The following ADAM2 variants were observed in gnomAD, a reference collection of about 807,000 sequenced individuals.
The protein encoded by ADAM2 is ADAM metallopeptidase domain 2.
ADAM2 carries 101 observed loss-of-function variants against 99.3 expected under a neutral mutation model. The ratio of observed to expected loss-of-function variants is 1.02; its 90% CI spans 0.87 to 1.20. The LOEUF (loss-of-function observed/expected upper bound fraction) is 1.20, where lower values mean the gene tolerates loss of function less well. Among genes scored for constraint, ADAM2 ranks in the 50% most tolerant of loss-of-function variants. The pLI, the probability that ADAM2 is intolerant of heterozygous loss-of-function variation, is 0.00. For missense variants in ADAM2, 948 were observed against 878.7 expected (o/e 1.08, Z -1.00); for synonymous variants, 323 against 287.6 (o/e 1.12, Z -1.25).
intron 7 of ADAM2, among the ~76,000 whole-genome samples, chr8:39,803,092 G>C (rs1804284260): frequency 6.6e-6 from 1 of 152,162 alleles, no homozygotes; most frequent in Non-Finnish European, 1.5e-5. Context: ...CAACAGAAAA[G>C]ATCGACCATG....
intron 7 of ADAM2, among the ~76,000 whole-genome samples, chr8:39,798,820 T>G (rs1182498231): frequency 6.6e-6 from 1 of 152,100 alleles, no homozygotes; most frequent in Non-Finnish European, 1.5e-5. Context: ...CTCCAGTTTT[T>G]TTTGCATAGA....
intron 4 of ADAM2, among the ~76,000 whole-genome samples, chr8:39,822,746 G>GT (rs1045646633): frequency 4.4e-4 from 64 of 145,090 alleles, no homozygotes; most frequent in Middle Eastern, 3.6e-3. Flanking sequence ...TTTGAGGTCT[G>GT]TTTTTTTTTT....
intron 3 of ADAM2, among the ~76,000 whole-genome samples, chr8:39,829,517 T>C (rs942929930): frequency 2.0e-5 from 3 of 151,930 alleles, no homozygotes; most frequent in Non-Finnish European, 4.4e-5. Context: ...AAGTATATAA[T>C]TATAAGCATT....
chr8:39,797,865 T>C (rs1191952492), intron 7 of ADAM2, among the ~76,000 whole-genome samples: 2 of 152,244 alleles, frequency 1.3e-5, no homozygotes, highest in Non-Finnish European at 2.9e-5. Context: ...TATAAAGGAA[T>C]GCTTGTGATT....
chr8:39,800,572 G>A (rs1193228083), intron 7 of ADAM2, among the ~76,000 whole-genome samples: 1 of 152,104 alleles, frequency 6.6e-6, no homozygotes, highest in East Asian at 1.9e-4. Context: ...ATGTTGGCCT[G>A]TCTTCCTAGG....
intron 4 of ADAM2, among the ~76,000 whole-genome samples, chr8:39,822,096 A>G (rs1324237949): frequency 6.6e-6 from 1 of 152,176 alleles, no homozygotes; most frequent in Non-Finnish European, 1.5e-5. Flanking sequence ...CTTAGTTTGT[A>G]CCACTTTCCA....
In ADAM2 at chr8:39,833,942, AC is replaced by A. The variant is rs1168814304; in HGVS notation, c.188+1del. 9 of 1,481,860 alleles carry A rather than the reference AC, an allele frequency of 6.1e-6. No individual in the cohort carries two copies. The highest frequency in any genetic ancestry group is 1.7e-4 in the Middle Eastern group (1 of 5,786). The allele number at this position is 1,481,860 out of a possible 1,614,324, so 91.8% of individuals were successfully genotyped here. The stretch of plus-strand genomic sequence containing the variant: ...ATTGATAAAATAATGATGATTACCT[AC>A]TTTTGCATTAAATTCACAGTATATG... On this transcript the variant is annotated splice_donor_variant, in intron 3 of 20. Transcript: ENST00000265708. LOFTEE classifies it high-confidence loss of function.
rs138257587 is a variant in ADAM2 at position 39,796,081 on chromosome 8, T to TA, written c.571-7342dup. 4.3e-3 allele frequency among the ~76,000 whole-genome samples: 627 copies of TA among 147,456 alleles called. 6 individuals carry two copies. The highest frequency in any genetic ancestry group is 0.013 in the African/African-American group (518 of 40,566). ...TTTTTTTTTCCTTTATTTCTTCTTC[T>TA]AAAAAAAAAACAGGATACATGTGCA... On this transcript the variant is annotated intron_variant, in intron 7 of 20. Transcript: ENST00000265708.
chr8:39,777,186 C>T lies in ADAM2; in HGVS notation c.892-25G>A, dbSNP rs558638008. On this transcript the variant is annotated intron_variant, in intron 10 of 20. Transcript: ENST00000265708. ...GCTGAGAAAAAAAAATAGATGTACA[C>T]GTTTTGGGAGATTATTTTGTTTACT... The T allele has an allele frequency of 3.8e-6, 6 of 1,577,716 alleles. No homozygotes were observed. The African/African-American group carries it at 6.8e-5, about 18-fold the overall frequency.
intron 14 of ADAM2, among the ~76,000 whole-genome samples, chr8:39,762,934 G>T (rs1710222028): frequency 6.6e-6 from 1 of 152,156 alleles, no homozygotes; most frequent in African/African-American, 2.4e-5. Context: ...TGTTTCTCTG[G>T]TGTAGTTCTG....
At chr8:39,808,387 A>T (rs1296212963) in intron 7 of ADAM2, among the ~76,000 whole-genome samples, 1 of 152,214 alleles carries the variant, frequency 6.6e-6, no homozygotes, top group Non-Finnish European at 1.5e-5. Context: ...GGACTCATAT[A>T]CTGAAAAACT....
intron 6 of ADAM2, among the ~76,000 whole-genome samples, chr8:39,810,362 T>C (rs1804643700): frequency 6.6e-6 from 1 of 152,120 alleles, no homozygotes. Flanking sequence ...ACTGTCAACA[T>C]TAGACAGATC....
Position 39,788,570 on chromosome 8 carries a change from ATGC to A in ADAM2, c.642+96_642+98del. ...TTTAAAATAAAACTTAATTTCCCTT[ATGC>A]CACACAACGTGTGGATTCATGTAGT... is the stretch of plus-strand genomic sequence containing the variant. On this transcript the variant is annotated intron_variant, in intron 8 of 20. Coordinates refer to ENST00000265708, the MANE Select transcript of ADAM2 (RefSeq NM_001464.5). 8.9e-6 allele frequency: 7 copies of A among 784,974 alleles called. No individual in the cohort carries two copies. The Admixed American group carries it at 2.0e-4, about 23-fold the overall frequency. 48.6% of individuals were successfully genotyped at this position (784,974 alleles called of 1,614,324 possible).
intron 4 of ADAM2, among the ~76,000 whole-genome samples, chr8:39,822,878 C>G (rs1254009741): frequency 2.0e-5 from 3 of 152,086 alleles, no homozygotes; most frequent in Non-Finnish European, 4.4e-5. Context: ...CAGTGATTCT[C>G]CTGCCTCAGC....
In ADAM2 at chr8:39,767,035, T is replaced by G. The variant is rs1042548410; in HGVS notation, c.1320A>C (p.Ser440=). 1 of 1,613,552 alleles carries G rather than the reference T, an allele frequency of 6.2e-7. No individual in the cohort carries two copies. The highest frequency in any genetic ancestry group is 8.5e-7 in the Non-Finnish European group (1 of 1,179,512). Residue 440 remains serine, a synonymous_variant, in exon 14 of 21, where the codon TCA becomes TCC. Coordinates refer to ENST00000265708, the MANE Select transcript of ADAM2 (RefSeq NM_001464.5). ...AGGAAGGCCTACACATTCTTTCTTT[T>G]GACATAAACTGATGGGATGAGGTAA... ...GPCCENCLFM[S]KERMCRPSFE... is the part of the protein sequence containing the mutation.
At chr8:39,764,898 A>G (rs1375027756) in intron 14 of ADAM2, among the ~76,000 whole-genome samples, 4 of 151,802 alleles carry the variant, frequency 2.6e-5, no homozygotes, top group Non-Finnish European at 5.9e-5. Context: ...GCATCTAATC[A>G]CAGCTACTCA....
intron 16 of ADAM2, among the ~76,000 whole-genome samples, chr8:39,751,130 T>C (rs1801925210): frequency 6.6e-6 from 1 of 152,164 alleles, no homozygotes; most frequent in South Asian, 2.1e-4. Flanking sequence ...CATACCTCCA[T>C]TTAAGATTTA....
chr8:39,827,938 T>C (rs1024401539), intron 3 of ADAM2, among the ~76,000 whole-genome samples: 7 of 152,086 alleles, frequency 4.6e-5, no homozygotes, highest in African/African-American at 1.7e-4. Flanking sequence ...CATTTCACAA[T>C]GTATACATAT....
At chr8:39,774,127 T>C (rs995450990) in intron 11 of ADAM2, among the ~76,000 whole-genome samples, 19 of 151,964 alleles carry the variant, frequency 1.3e-4, no homozygotes, top group Admixed American at 1.2e-3. Flanking sequence ...ATAAAATATA[T>C]TCATAATGAA....
Sources: allele counts gnomAD v4.1 joint callset (sites outside exome capture counted in the v4.1 genomes callset), GRCh38; gene constraint gnomAD v4.1.1; transcripts MANE v1.5; gene names NCBI Gene and HGNC (gene_info 2026-07-23, HGNC 2026-07-21).